The following PLEC variants were observed in gnomAD, a reference collection of about 807,000 sequenced individuals.
PLEC encodes the protein hemidesmosomal protein 1.
Under a neutral mutation model 392.8 loss-of-function variants are expected in PLEC, and 216 were observed. The observed-to-expected ratio is 0.55, with a 90% CI of 0.49 to 0.62. The LOEUF (loss-of-function observed/expected upper bound fraction) is 0.62, where lower values mean the gene tolerates loss of function less well. PLEC is among the 20% of genes least tolerant of loss of function. PLEC has a pLI of 0.00. For synonymous variants in PLEC, 3,621 were observed against 2,980.6 expected (o/e 1.21, Z -7.00); for missense variants, 6,863 against 6,563.4 (o/e 1.05, Z -1.58).
rs1554713458 is a variant in PLEC, at chr8:143,930,283, C to T, written c.2473G>A (p.Gly825Ser). Residue 825 changes from glycine to serine, a missense_variant, in exon 21 of 32, where the codon GGT becomes AGT. By Grantham distance (56) the Gly-to-Ser change is moderately conservative. Transcript: ENST00000345136. ...GGGCCCACCAGCTGGCACTCGTCAC[C>T]CTTGTGCACAGTCACCTGGGACGGG... ...YKQVEVTVHKGDECQLVGPAQ... is the reference protein window; with the variant it reads ...YKQVEVTVHKSDECQLVGPAQ... 6.2e-7 allele frequency: 1 copy of T among 1,603,394 alleles called. No homozygotes were observed. The highest frequency in any genetic ancestry group is 8.5e-7 in the Non-Finnish European group (1 of 1,178,778).
intron 30 of PLEC, 40 bp from the exon 31 acceptor site, chr8:143,925,924 T>C (rs1824996762): frequency 7.2e-6 from 11 of 1,528,890 alleles, no homozygotes; most frequent in Non-Finnish European, 8.8e-6. Flanking sequence ...GCAGAGAGAG[T>C]GTGAACACGG....
In PLEC at chr8:143,916,348, GGTGCGGGAGCCA is replaced by G. The variant is rs868969771; in HGVS notation, c.13461_13472del (p.Thr4495_Arg4498del). 3 of 1,604,702 alleles carry G rather than the reference GGTGCGGGAGCCA, an allele frequency of 1.9e-6. No individual in the cohort carries two copies. The African/African-American group carries it at 4.0e-5, about 22-fold the overall frequency. On this transcript the variant is annotated inframe_deletion, in exon 32 of 32. Transcript: ENST00000345136. ...CGGCCCGGGAGCCGGTGCGCGAGCC[GGTGCGGGAGCCA>G]GCGGTAGAGCCGGAGCCGCTGACGC... is the stretch of plus-strand genomic sequence containing the variant.
chr8:143,946,258 A>G (rs1371735083), intron 1 of PLEC: 4 of 986,046 alleles, frequency 4.1e-6, no homozygotes, highest in East Asian at 6.1e-5. Flanking sequence ...CTGACGGCAC[A>G]GAACGGTGGA....
Position 143,916,912 on chromosome 8 carries a change from C to T in PLEC, c.12909G>A (p.Val4303=). 2 of 1,612,912 alleles carry T rather than the reference C, an allele frequency of 1.2e-6. No homozygotes were observed. Among genetic ancestry groups the T allele is most frequent in the South Asian group, 1.1e-5 (1 of 91,084 alleles). ...SITEAMHRNL[V]DNITGQRLLE... ...GCAGCCGCTGCCCCGTGATGTTATC[C>T]ACCAGGTTCCGGTGCATGGCCTCGG... Residue 4303 remains valine, a synonymous_variant, in exon 32 of 32, where the codon GTG becomes GTA. Transcript: ENST00000345136.
rs782377686 is a variant in PLEC at position 143,917,074 on chromosome 8, C to T, written c.12747G>A (p.Ser4249=). The stretch of plus-strand genomic sequence containing the variant: ...TGGGGTAGGAGGAGGAGGATCCCAC[C>T]GAGGAGGAACGGGAGCGGAAACCAC... ...NAGGFRSRSS[S]VGSSSSYPIS... is the part of the protein sequence containing the mutation. Residue 4249 remains serine (S), a synonymous_variant, in exon 32 of 32, where the codon TCG becomes TCA. Transcript: ENST00000345136. 46 of 1,607,102 alleles carry T rather than the reference C, an allele frequency of 2.9e-5. No individual in the cohort carries two copies. The highest frequency in any genetic ancestry group is 1.6e-4 in the Middle Eastern group (1 of 6,066).
At chr8:143,958,718 C>A, upstream of PLEC, 1 of 443,602 alleles carries the variant, frequency 2.3e-6, no homozygotes, top group Non-Finnish European at 4.6e-6. This position sits in a 1 kb window ranked among gnomAD's most constrained non-coding sequence, Gnocchi z 4.9. Flanking sequence ...CAGGGTGGAC[C>A]TCGCCAGGCC....
chr8:143,939,651 C>A, upstream of PLEC: 1 of 1,420,426 alleles, frequency 7.0e-7, no homozygotes, highest in Non-Finnish European at 9.2e-7. Flanking sequence ...CCGGCCCGCC[C>A]CCGAGGCCCC....
intron 1 of PLEC, 145 bp downstream of exon 1, chr8:143,939,205 G>T: frequency 8.6e-7 from 1 of 1,157,656 alleles, no homozygotes. Context: ...CCCACTCCGT[G>T]TTGGGTGGGG....
chr8:143,921,724 T>G lies in PLEC; in HGVS notation c.8097A>C (p.Ala2699=), dbSNP rs782495717. The G allele has an allele frequency of 8.7e-6, 14 of 1,612,862 alleles. No individual in the cohort carries two copies. The highest frequency in any genetic ancestry group is 1.0e-5 in the Non-Finnish European group (12 of 1,179,900). ...RHYLQGRSSI[A]GLLLKATNEK... is the part of the protein sequence containing the mutation. ...CATTGGTGGCCTTCAGCAACAGCCC[T>G]GCGATACTGCTGCGGCCCTGCAGGT... is the stretch of plus-strand genomic sequence containing the variant. Residue 2699 remains alanine, a synonymous_variant, in exon 32 of 32, where the codon GCA becomes GCC. Transcript: ENST00000345136.
In PLEC at chr8:143,921,566, T is replaced by A; in HGVS notation, c.8255A>T (p.Glu2752Val). The change falls in exon 32 of 32, where the codon GAG becomes GTG. Residue 2752 changes from glutamate (E) to valine (V), a missense_variant. Transcript: ENST00000345136. ...GCCCACCACACCCTCCTTCACAGCC[T>A]CGTTGACGGTCAGCCGCCGGTTCCG... ...PVRNRRLTVN[E>V]AVKEGVVGPE... 6.2e-7 allele frequency: 1 copy of A among 1,612,390 alleles called. No homozygotes were observed. The highest frequency in any genetic ancestry group is 8.5e-7 in the Non-Finnish European group (1 of 1,179,498).
Position 143,929,754 on chromosome 8 carries a change from C to T in PLEC, c.2815G>A (p.Asp939Asn). ...CCGAAGCCGCCCGCGTCCTGGCTGTCCCGCAGGAAGGCCTGGTAGTGCAGC... is the reference window on the plus strand; with the variant it reads ...CCGAAGCCGCCCGCGTCCTGGCTGTTCCGCAGGAAGGCCTGGTAGTGCAGC... ...LELHYQAFLR[D>N]SQDAGGFGPE... is the part of the protein sequence containing the mutation. Residue 939 changes from aspartate (D) to asparagine (N), a missense_variant, in exon 23 of 32, where the codon GAC (aspartate) becomes AAC (asparagine). By Grantham distance (23) the Asp-to-Asn change is conservative (BLOSUM62 1). Coordinates refer to ENST00000345136, the MANE Select transcript of PLEC (RefSeq NM_201384.3). The T allele has an allele frequency of 6.2e-7, 1 of 1,600,048 alleles. No homozygotes were observed. Among genetic ancestry groups the T allele is most frequent in the Non-Finnish European group, 8.5e-7 (1 of 1,179,202 alleles).
At chr8:143,947,567 A>C (rs186889905) in intron 1 of PLEC, among the ~76,000 whole-genome samples, 2 of 152,110 alleles carry the variant, frequency 1.3e-5, no homozygotes, top group East Asian at 3.9e-4. Flanking sequence ...CAACATGGCG[A>C]AACCCCGTCT....
rs782060299 is a variant in PLEC, at chr8:143,922,885, C to G, written c.7044G>C (p.Glu2348Asp). The change falls in exon 31 of 32, where the codon GAG (glutamate) becomes GAC (aspartate). Residue 2348 changes from glutamate (E) to aspartate (D), a missense_variant. Glu to Asp is a conservative substitution (Grantham distance 45). Transcript: ENST00000345136. ...GCTGCTGCGCCATCTGCTCCTTGTCCTCCTGCAGCCGCCGCGCCTGCTCCT... is the reference window on the plus strand; with the variant it reads ...GCTGCTGCGCCATCTGCTCCTTGTCGTCCTGCAGCCGCCGCGCCTGCTCCT... ...LAQEQARRLQ[E>D]DKEQMAQQLA... is the part of the protein sequence containing the mutation. The G allele has an allele frequency of 2.1e-5, 33 of 1,583,046 alleles. No homozygotes were observed. The highest frequency in any genetic ancestry group is 1.7e-4 in the Middle Eastern group (1 of 5,902).
Position 143,925,074 on chromosome 8 carries a change from C to T in PLEC, c.4855G>A (p.Glu1619Lys), listed in dbSNP as rs782026068. 9.4e-5 allele frequency: 145 copies of T among 1,539,548 alleles called. No homozygotes were observed. The highest frequency in any genetic ancestry group is 3.6e-4 in the Middle Eastern group (2 of 5,606). Residue 1619 changes from glutamate (E) to lysine (K), a missense_variant, in exon 31 of 32, where the codon GAG becomes AAG. By Grantham distance (56) the Glu-to-Lys change is moderately conservative (BLOSUM62 1). Transcript: ENST00000345136. ...EAERRAQQQA[E>K]AERAREEAER... ...GCCTCCTCGCGCGCCCGCTCGGCCT[C>T]GGCCTGCTGCTGTGCCCGCCGCTCA...
At chr8:143,945,426 T>C (rs1831317465) in intron 1 of PLEC, 5 of 306,588 alleles carry the variant, frequency 1.6e-5, no homozygotes, top group South Asian at 1.3e-4. Flanking sequence ...GCATATCCTA[T>C]GCAGATCAGA....
chr8:143,940,225 G>A (rs1013277762), upstream of PLEC, among the ~76,000 whole-genome samples: 5 of 152,188 alleles, frequency 3.3e-5, no homozygotes, highest in African/African-American at 1.2e-4. Context: ...GGCACATCCT[G>A]GAGCAGTGCC....
At position 143,926,975 on chromosome 8, in the gene PLEC, A is replaced by C. The variant is rs781866142; in HGVS notation, c.3945+2T>G. 6.2e-7 allele frequency: 1 copy of C among 1,612,278 alleles called. No homozygotes were observed. The highest frequency in any genetic ancestry group is 8.5e-7 in the Non-Finnish European group (1 of 1,179,254). On this transcript the variant is annotated splice_donor_variant, in intron 29 of 31. Transcript: ENST00000345136. LOFTEE classifies it high-confidence loss of function. ...ACCCAGTTAGGTTCGGCCCCACCCTACCTCCTGGATGACACTCTCTGATCC... is the reference window on the plus strand; with the variant it reads ...ACCCAGTTAGGTTCGGCCCCACCCTCCCTCCTGGATGACACTCTCTGATCC...
intron 13 of PLEC, 40 bp downstream of exon 13, chr8:143,933,157 G>C (rs115492306): frequency 6.2e-7 from 1 of 1,607,730 alleles, no homozygotes; most frequent in Admixed American, 1.7e-5. Flanking sequence ...GCCTGGGGCC[G>C]TGTGTACCTG....
upstream of PLEC, among the ~76,000 whole-genome samples, chr8:143,956,096 T>C (rs527360571): frequency 1.8e-3 from 276 of 152,152 alleles, no homozygotes; most frequent in African/African-American, 6.4e-3. Flanking sequence ...TACGGATGTG[T>C]GCCACCGCAC....
Sources: allele counts gnomAD v4.1 joint callset (sites outside exome capture counted in the v4.1 genomes callset), GRCh38; gene constraint gnomAD v4.1.1; non-coding constraint Gnocchi (gnomAD v3.1); transcripts MANE v1.5; gene names NCBI Gene and HGNC (gene_info 2026-07-23, HGNC 2026-07-21).